The following LIN28B variants were observed in gnomAD, a reference collection of about 807,000 sequenced individuals.
LIN28B encodes lin-28 RNA binding posttranscriptional regulator B, also known as protein lin-28 homolog B.
LIN28B carries 5 observed loss-of-function variants against 21.9 expected under a neutral mutation model. The ratio of observed to expected loss-of-function variants is 0.23; its 90% CI spans 0.12 to 0.48. The LOEUF (loss-of-function observed/expected upper bound fraction) is 0.48. Ranked by LOEUF, LIN28B falls within the 20% of genes least tolerant of loss-of-function variation. LIN28B has a pLI of 0.98. For synonymous variants in LIN28B, 109 were observed against 111.3 expected (o/e 0.98, Z 0.13); for missense variants, 245 against 310.5 (o/e 0.79, Z 1.58).
At chr6:104,959,854 TG>T (rs768292968) in intron 2 of LIN28B, among the ~76,000 whole-genome samples, 1 of 152,170 alleles carries the variant, frequency 6.6e-6, no homozygotes, top group East Asian at 1.9e-4. Context: ...TATAGATGAA[TG>T]AAAAAAATAA....
chr6:105,064,947 G>C (rs1476433665), intron 3 of LIN28B, among the ~76,000 whole-genome samples: 1 of 152,174 alleles, frequency 6.6e-6, no homozygotes, highest in East Asian at 1.9e-4. Flanking sequence ...CAGAATATGT[G>C]CAAATAAATC....
chr6:105,040,937 C>T (rs1032690300), intron 3 of LIN28B, among the ~76,000 whole-genome samples: 16 of 151,730 alleles, frequency 1.1e-4, no homozygotes, highest in African/African-American at 3.9e-4. Context: ...GAGACAAGTT[C>T]TCTCACTCTG....
chr6:104,972,981 G>A (rs1582872424), intron 2 of LIN28B, among the ~76,000 whole-genome samples: 1 of 151,920 alleles, frequency 6.6e-6, no homozygotes, highest in African/African-American at 2.4e-5. Context: ...TGTGGTGGCA[G>A]GCGCCTGTAA....
intron 2 of LIN28B, among the ~76,000 whole-genome samples, chr6:104,967,699 A>G (rs1769892569): frequency 6.8e-6 from 1 of 147,976 alleles, no homozygotes; most frequent in South Asian, 2.1e-4. Context: ...TATTATTTAG[A>G]AACAGGGTCT....
intron 2 of LIN28B, chr6:104,950,443 T>C: frequency 8.2e-7 from 1 of 1,216,388 alleles, no homozygotes; most frequent in South Asian, 4.2e-5. Context: ...AGTACTGACT[T>C]GAGCTCTCTG....
upstream of LIN28B, among the ~76,000 whole-genome samples, chr6:104,953,137 A>T (rs1010945770): frequency 6.6e-6 from 1 of 152,116 alleles, no homozygotes; most frequent in Non-Finnish European, 1.5e-5. Context: ...GGCGGGAGAG[A>T]TCTTGCCAGG....
intron 2 of LIN28B, among the ~76,000 whole-genome samples, chr6:105,012,886 T>C (rs528708374): frequency 6.6e-6 from 1 of 152,300 alleles, no homozygotes; most frequent in African/African-American, 2.4e-5. Flanking sequence ...CTATAGGAGA[T>C]TGCCAAACTT....
Position 104,937,327 on chromosome 6 carries a change from T to G in LIN28B, c.18+211T>G, listed in dbSNP as rs910917588. ...ATTTTGTAGAGACGCGGTGACCATT[T>G]TGCCCAGGCTGGGGTGCAGGGCCGC... On this transcript the variant is annotated intron_variant, in intron 2 of 5. Coordinates refer to the LIN28B transcript ENST00000635857. Among the ~76,000 whole-genome samples, 6 of 152,234 alleles carry G rather than the reference T, an allele frequency of 3.9e-5. No homozygotes were observed. The South Asian group carries it at 1.2e-3, about 32-fold the overall frequency.
chr6:105,024,600 A>G (rs751185792), intron 2 of LIN28B, among the ~76,000 whole-genome samples: 2 of 152,142 alleles, frequency 1.3e-5, no homozygotes, highest in Admixed American at 6.6e-5. Flanking sequence ...TTCCCCCAAC[A>G]TTTCATCAGA....
intron 2 of LIN28B, among the ~76,000 whole-genome samples, chr6:104,971,230 T>C (rs951124494): frequency 1.3e-5 from 2 of 152,134 alleles, no homozygotes; most frequent in Admixed American, 6.5e-5. Context: ...TTAAGAATAC[T>C]GTATAGACCA....
chr6:104,953,699 G>T (rs1460308437), upstream of LIN28B, among the ~76,000 whole-genome samples: 1 of 152,172 alleles, frequency 6.6e-6, no homozygotes, highest in Admixed American at 6.5e-5. Context: ...ATCTGCTGGC[G>T]CGGGGTCTGG....
intron 3 of LIN28B, among the ~76,000 whole-genome samples, chr6:105,061,977 T>C (rs1582926899): frequency 1.3e-5 from 2 of 152,194 alleles, no homozygotes; most frequent in East Asian, 1.9e-4. Context: ...GCCAGCCAAC[T>C]TGCCTTCCTA....
chr6:105,001,630 AT>A (rs1770723083), intron 2 of LIN28B, among the ~76,000 whole-genome samples: 1 of 152,248 alleles, frequency 6.6e-6, no homozygotes, highest in African/African-American at 2.4e-5. Context: ...GAACGGAAGA[AT>A]TATTAACAAG....
chr6:105,068,700 C>T (rs1423211889), intron 3 of LIN28B, among the ~76,000 whole-genome samples: 1 of 152,118 alleles, frequency 6.6e-6, no homozygotes, highest in Non-Finnish European at 1.5e-5. Context: ...TGAGCACCTA[C>T]CCATAGGGTG....
intron 2 of LIN28B, among the ~76,000 whole-genome samples, chr6:105,004,895 C>T (rs1031254465): frequency 1.3e-5 from 2 of 152,168 alleles, no homozygotes; most frequent in Non-Finnish European, 2.9e-5. Flanking sequence ...CTATATAGGC[C>T]TGCTTGATAG....
At chr6:105,049,145 A>G (rs924313660) in intron 3 of LIN28B, among the ~76,000 whole-genome samples, 11 of 151,584 alleles carry the variant, frequency 7.3e-5, no homozygotes, top group Middle Eastern at 3.4e-3. Flanking sequence ...CTCTTGTGCT[A>G]TAAATTTCCC....
intron 3 of LIN28B, among the ~76,000 whole-genome samples, chr6:105,046,329 C>T (rs963437539): frequency 1.3e-5 from 2 of 152,166 alleles, no homozygotes; most frequent in African/African-American, 2.4e-5. Context: ...ATCCATGTCC[C>T]TACAAAGGAC....
chr6:105,016,938 T>G (rs1198326742), intron 2 of LIN28B, among the ~76,000 whole-genome samples: 1 of 150,858 alleles, frequency 6.6e-6, no homozygotes, highest in East Asian at 1.9e-4. Context: ...CTGGGTGTGG[T>G]GGTACACACC....
intron 3 of LIN28B, among the ~76,000 whole-genome samples, chr6:105,050,157 G>A (rs1038836801): frequency 5.3e-5 from 8 of 152,146 alleles, no homozygotes; most frequent in African/African-American, 1.9e-4. Context: ...TCCTTTCCAT[G>A]TTTAGTGCTT....
Sources: allele counts gnomAD v4.1 joint callset (sites outside exome capture counted in the v4.1 genomes callset), GRCh38; gene constraint gnomAD v4.1.1; transcripts MANE v1.5; gene names NCBI Gene and HGNC (gene_info 2026-07-23, HGNC 2026-07-21).